HIVEP1: variants seen among roughly 807,000 people sequenced by gnomAD.
The protein encoded by HIVEP1 is HIVEP zinc finger 1.
Under a neutral mutation model 180.0 loss-of-function variants are expected in HIVEP1, and 36 were observed. The ratio of observed to expected loss-of-function variants is 0.20; its 90% CI spans 0.15 to 0.26. The LOEUF is 0.26. Ranked by LOEUF, HIVEP1 falls within the 10% of genes least tolerant of loss-of-function variation. The pLI, the probability that HIVEP1 is intolerant of heterozygous loss-of-function variation, is 1.00. For synonymous variants in HIVEP1, 1,239 were observed against 1,239.0 expected, an observed-to-expected ratio of 1.00 and a Z score of 0.00; for missense variants, 3,143 against 3,268.7, an observed-to-expected ratio of 0.96 and a Z score of 0.94.
the HIVEP1 span, among the ~76,000 whole-genome samples, chr6:12,173,301 T>C: frequency 1.5e-3 from 225 of 152,254 alleles, 1 homozygote; most frequent in African/African-American, 5.1e-3. Flanking sequence ...CAGAAATATT[T>C]CCAAAAAGAA....
chr6:12,154,718 G>A (rs1041520914), intron 7 of HIVEP1, among the ~76,000 whole-genome samples: 1 of 152,146 alleles, frequency 6.6e-6, no homozygotes, highest in African/African-American at 2.4e-5. Flanking sequence ...AAGACGGGTT[G>A]ATGGGTGCAG....
At chr6:12,157,457 C>T (rs1289439411) in intron 7 of HIVEP1, among the ~76,000 whole-genome samples, 1 of 152,092 alleles carries the variant, frequency 6.6e-6, no homozygotes, top group African/African-American at 2.4e-5. Flanking sequence ...CCTCTACTGA[C>T]TTATTATTTA....
downstream of HIVEP1, among the ~76,000 whole-genome samples, chr6:12,165,408 T>TG (rs1291253813): frequency 6.6e-6 from 1 of 152,174 alleles, no homozygotes; most frequent in East Asian, 1.9e-4. Context: ...GATCCATTCG[T>TG]GGGCTATGGG....
intron 2 of HIVEP1, among the ~76,000 whole-genome samples, chr6:12,085,655 C>T (rs138101172): frequency 3.3e-5 from 5 of 152,202 alleles, no homozygotes; most frequent in African/African-American, 9.6e-5. Context: ...ACTTAGTGGG[C>T]TGCTCCTCCA....
chr6:12,115,847 C>T (rs948828612), intron 3 of HIVEP1, among the ~76,000 whole-genome samples: 9 of 151,814 alleles, frequency 5.9e-5, no homozygotes, highest in African/African-American at 9.7e-5. Context: ...GGCAGAGGCT[C>T]GCGGGGGGTG....
chr6:12,067,273 G>A (rs930022278), intron 2 of HIVEP1, among the ~76,000 whole-genome samples: 1 of 152,190 alleles, frequency 6.6e-6, no homozygotes, highest in East Asian at 1.9e-4. Context: ...TTATTGAAGT[G>A]TATCACTTAG....
At chr6:12,205,975 G>A in the HIVEP1 span, among the ~76,000 whole-genome samples, 5 of 152,042 alleles carry the variant, frequency 3.3e-5, no homozygotes, top group African/African-American at 1.2e-4. Flanking sequence ...TATTGTGTCC[G>A]CCCCAAAATT....
chr6:12,081,685 G>A (rs1581646412), intron 2 of HIVEP1, among the ~76,000 whole-genome samples: 2 of 152,178 alleles, frequency 1.3e-5, no homozygotes, highest in East Asian at 1.9e-4. Context: ...CTCCCACTGG[G>A]CCTATGAACA....
chr6:12,122,301 A>G lies in HIVEP1; in HGVS notation c.2506A>G (p.Ile836Val). 6.2e-7 allele frequency: 1 copy of G among 1,614,236 alleles called. No individual in the cohort carries two copies. Among genetic ancestry groups the G allele is most frequent in the Non-Finnish European group, 8.5e-7 (1 of 1,180,040 alleles). Residue 836 changes from isoleucine to valine, a missense_variant, in exon 4 of 9, where the codon ATC becomes GTC. Physicochemically the swap from Ile to Val is conservative, Grantham distance 29 (BLOSUM62 3). This residue lies in a region of HIVEP1 where 204 missense variants were observed against 243.7 expected (regional missense o/e 0.84). Transcript: ENST00000379388. The stretch of plus-strand genomic sequence containing the variant: ...TGTACCTTCACTTGACTGTTTACCT[A>G]TCACAAGAAGTAATTCCATGCCGAC... Reference protein sequence around the residue: ...LSVPSLDCLPITRSNSMPTTG... With the variant: ...LSVPSLDCLPVTRSNSMPTTG...
intron 3 of HIVEP1, among the ~76,000 whole-genome samples, chr6:12,104,724 C>T (rs965374865): frequency 2.0e-5 from 3 of 152,138 alleles, no homozygotes; most frequent in African/African-American, 7.2e-5. Context: ...CTGTGAGCCA[C>T]TGCACCTAGC....
chr6:12,168,176 T>TTA (rs368793823), downstream of HIVEP1, among the ~76,000 whole-genome samples: 24,118 of 61,988 alleles, frequency 0.39, 6,212 homozygotes, highest in African/African-American at 0.42. Context: ...TATATCTATA[T>TTA]TATATATAGA....
intron 2 of HIVEP1, among the ~76,000 whole-genome samples, chr6:12,030,118 A>G (rs963179573): frequency 2.7e-4 from 41 of 152,134 alleles, no homozygotes; most frequent in African/African-American, 9.2e-4. Context: ...CTGAACATCC[A>G]CTATTCTCTG....
At position 12,135,809 on chromosome 6, in the gene HIVEP1, T is replaced by C; in HGVS notation, c.6404T>C (p.Met2135Thr). The change falls in exon 7 of 9, where the codon ATG becomes ACG. Residue 2135 changes from methionine (M) to threonine (T), a missense_variant. Physicochemically the swap from Met to Thr is moderately conservative, Grantham distance 81. Around this residue, in one of 12 missense-constraint regions of HIVEP1, gnomAD observed 126 missense variants for 168.5 expected, o/e 0.75. Transcript: ENST00000379388. ...CCTTAAGGAAATCTGACAAAACACA[T>C]GAAGTCCAAGGCACATAGCAAGAAA... ...FKTKGNLTKH[M>T]KSKAHSKKCV... 1 of 1,610,728 alleles carries C rather than the reference T, an allele frequency of 6.2e-7. No homozygotes were observed. The highest frequency in any genetic ancestry group is 8.5e-7 in the Non-Finnish European group (1 of 1,177,190).
At chr6:12,130,275 T>C (rs767084055) in intron 5 of HIVEP1, among the ~76,000 whole-genome samples, 5 of 152,236 alleles carry the variant, frequency 3.3e-5, no homozygotes, top group Admixed American at 6.5e-5. Flanking sequence ...ATTATAGTTA[T>C]AGTAAAGCTC....
chr6:12,187,409 G>C, the HIVEP1 span, among the ~76,000 whole-genome samples: 43,641 of 151,556 alleles, frequency 0.29, 6,506 homozygotes, highest in Admixed American at 0.4. Flanking sequence ...CACAGGAACT[G>C]ATTGTTAAAG....
chr6:12,173,648 A>G, the HIVEP1 span, among the ~76,000 whole-genome samples: 2 of 152,158 alleles, frequency 1.3e-5, no homozygotes, highest in East Asian at 3.8e-4. Context: ...TATGATGTCT[A>G]TATATCTGTG....
intron 2 of HIVEP1, among the ~76,000 whole-genome samples, chr6:12,031,027 GTTTGTTTTT>G (rs1263364720): frequency 6.7e-6 from 1 of 148,216 alleles, no homozygotes; most frequent in Non-Finnish European, 1.5e-5. Flanking sequence ...GCTTTCGTTT[GTTTGTTTTT>G]TTTGTTTTCT....
At chr6:12,159,242 G>A (rs1166446626) in intron 7 of HIVEP1, among the ~76,000 whole-genome samples, 1 of 152,084 alleles carries the variant, frequency 6.6e-6, no homozygotes, top group Non-Finnish European at 1.5e-5. Context: ...TTGTGTGTGT[G>A]TTTAACGTAA....
At chr6:12,103,835 A>G (rs1223223635) in intron 3 of HIVEP1, among the ~76,000 whole-genome samples, 1 of 152,176 alleles carries the variant, frequency 6.6e-6, no homozygotes, top group Non-Finnish European at 1.5e-5. Flanking sequence ...CAATATTCTC[A>G]TAATTTTAAA....
Sources: gnomAD v4.1 joint callset for allele counts (sites outside exome capture counted in the v4.1 genomes callset) on GRCh38, gnomAD v4.1.1 for gene constraint, gnomAD v4.1.1 regional missense constraint, MANE v1.5 for transcripts, NCBI Gene and HGNC (gene_info 2026-07-23, HGNC 2026-07-21) for gene names.